GTF3C1: variants seen among roughly 807,000 people sequenced by gnomAD.
The protein encoded by GTF3C1 is general transcription factor 3C polypeptide 1.
In GTF3C1, 57 loss-of-function variants were observed where a neutral mutation model predicts 226.7. That is an observed-to-expected ratio of 0.25 (90% CI 0.20 to 0.31). GTF3C1 has a LOEUF of 0.31. GTF3C1 is among the 10% of genes least tolerant of loss of function. GTF3C1 has a pLI of 1.00. For synonymous variants in GTF3C1, 1,090 were observed against 1,084.8 expected, an observed-to-expected ratio of 1.00 and a Z score of -0.09; for missense variants, 2,217 against 2,776.1, an observed-to-expected ratio of 0.80 and a Z score of 4.53.
At chr16:27,525,163 GAAAGA>G (rs199615595) in intron 6 of GTF3C1, among the ~76,000 whole-genome samples, 53 of 141,176 alleles carry the variant, frequency 3.8e-4, no homozygotes, top group Middle Eastern at 3.2e-3. Flanking sequence ...AAAAAGAAAA[GAAAGA>G]AAAGAAAAGA....
At position 27,493,931 on chromosome 16, in the gene GTF3C1, C is replaced by T. The variant is rs7189110; in HGVS notation, c.2779-635G>A. ...AAGAGTGAATATAGTTTCAATTCAGCTTTTTTTTTTAAAGGGAGATCACAC... is the reference window on the plus strand; with the variant it reads ...AAGAGTGAATATAGTTTCAATTCAGTTTTTTTTTTTAAAGGGAGATCACAC... On this transcript the variant is annotated intron_variant, in intron 16 of 36. Transcript: ENST00000356183. 7.2e-3 allele frequency among the ~76,000 whole-genome samples: 1,068 copies of T among 148,278 alleles called. 16 individuals carry two copies. Among genetic ancestry groups the T allele is most frequent in the African/African-American group, 0.025 (1,014 of 40,416 alleles).
chr16:27,474,771 C>T (rs945547814), intron 29 of GTF3C1, among the ~76,000 whole-genome samples: 3 of 152,124 alleles, frequency 2.0e-5, no homozygotes, highest in African/African-American at 7.2e-5. Flanking sequence ...ACTAGCCTTC[C>T]ACTCCAAATG....
intron 12 of GTF3C1, among the ~76,000 whole-genome samples, chr16:27,500,219 C>T (rs1423667930): frequency 6.6e-6 from 1 of 152,094 alleles, no homozygotes; most frequent in Non-Finnish European, 1.5e-5. Context: ...TTTTTCTTGG[C>T]CTTCTCTGAG....
chr16:27,476,504 G>C lies in GTF3C1; in HGVS notation c.4300C>G (p.Gln1434Glu). 6.2e-7 allele frequency: 1 copy of C among 1,613,418 alleles called. No individual in the cohort carries two copies. Among genetic ancestry groups the C allele is most frequent in the Non-Finnish European group, 8.5e-7 (1 of 1,179,412 alleles). Residue 1434 changes from glutamine (Q) to glutamate (E), a missense_variant, in exon 29 of 37, where the codon CAG becomes GAG. Gln to Glu is a conservative substitution (Grantham distance 29, BLOSUM62 2). Transcript: ENST00000356183. The stretch of plus-strand genomic sequence containing the variant: ...CTGTCTGAGAGGGCCAGCGTGCTCT[G>C]GATCAGGTTCTGAAGCACCAGAAAG... The part of the protein sequence containing the change: ...IHFLVLQNLI[Q>E]STLALSDSQM...
At chr16:27,537,467 C>T (rs1368137111) in intron 4 of GTF3C1, among the ~76,000 whole-genome samples, 1 of 152,158 alleles carries the variant, frequency 6.6e-6, no homozygotes, top group Non-Finnish European at 1.5e-5. Context: ...TGGAGTATAG[C>T]AGTGCAGTCA....
chr16:27,509,500 G>A (rs2088539880), intron 7 of GTF3C1, among the ~76,000 whole-genome samples: 1 of 152,156 alleles, frequency 6.6e-6, no homozygotes, highest in South Asian at 2.1e-4. Context: ...CCTCACTCCT[G>A]TAATCCCAGC....
rs958131539 is a variant in GTF3C1, at chr16:27,471,056, A to G, written c.4527-661T>C. Among the ~76,000 whole-genome samples, 1 of 152,222 alleles carries G rather than the reference A, an allele frequency of 6.6e-6. No individual in the cohort carries two copies. Among genetic ancestry groups the G allele is most frequent in the Non-Finnish European group, 1.5e-5 (1 of 68,028 alleles). On this transcript the variant is annotated intron_variant, in intron 30 of 36. Coordinates refer to ENST00000356183, the MANE Select transcript of GTF3C1 (RefSeq NM_001520.4). The surrounding 1 kb of genome is among the most constrained non-coding windows in gnomAD (Gnocchi z 5.0). ...CGGGGTCAGGGTCTGGGGAGGAGGA[A>G]GTGTCTGCCGTCGTGGGGAAGGGAT...
At chr16:27,517,736 G>A (rs1013114044) in intron 6 of GTF3C1, among the ~76,000 whole-genome samples, 1 of 152,220 alleles carries the variant, frequency 6.6e-6, no homozygotes, top group Non-Finnish European at 1.5e-5. Context: ...CACCTAGTAT[G>A]AGCCAGCCAT....
chr16:27,549,851 C>T lies in GTF3C1; in HGVS notation c.40G>A (p.Glu14Lys). The part of the protein sequence containing the change: ...LESLLDEVAL[E>K]GLDGLCLPAL... ...GGCAGACACAGGCCATCGAGCCCCT[C>T]CAGAGCGACTTCGTCCAACAACGAC... Residue 14 changes from glutamate to lysine, a missense_variant, in exon 1 of 37, where the codon GAG becomes AAG. By Grantham distance (56) the Glu-to-Lys change is moderately conservative. Transcript: ENST00000356183. 1 of 1,613,098 alleles carries T rather than the reference C, an allele frequency of 6.2e-7. No individual in the cohort carries two copies.
At chr16:27,477,698 A>G (rs143737949) in intron 28 of GTF3C1, among the ~76,000 whole-genome samples, 1 of 151,994 alleles carries the variant, frequency 6.6e-6, no homozygotes. Context: ...AAATTAATCA[A>G]CTCTTTGTTA....
chr16:27,488,765 T>A, intron 21 of GTF3C1, 130 bp from the exon 22 acceptor site: 1 of 761,840 alleles, frequency 1.3e-6, no homozygotes, highest in Non-Finnish European at 2.2e-6. Context: ...GGGGCTGGAG[T>A]CTCCTGCCAC....
intron 16 of GTF3C1, among the ~76,000 whole-genome samples, chr16:27,494,052 G>A (rs1304808154): frequency 6.6e-6 from 1 of 151,994 alleles, no homozygotes; most frequent in Non-Finnish European, 1.5e-5. Flanking sequence ...CTCTATGAGT[G>A]ATACAGTTAT....
Position 27,549,670 on chromosome 16 carries a change from C to A in GTF3C1, c.221G>T (p.Arg74Leu). The A allele has an allele frequency of 1.3e-6, 2 of 1,536,632 alleles. No individual in the cohort carries two copies. Among genetic ancestry groups the A allele is most frequent in the Non-Finnish European group, 1.8e-6 (2 of 1,135,166 alleles). ...CCGCCAGGCCAGGCCGCCCGCTGAC[C>A]GGTCCTGGAGCTGTAGGTCGGGTCG... ...RERPDLQLQD[R>L]YEEIDLETGI... Residue 74 changes from arginine to leucine, a missense_variant and splice_region_variant, in exon 1 of 37, where the codon CGG becomes CTG. Physicochemically the swap from Arg to Leu is moderately radical, Grantham distance 102. Coordinates refer to ENST00000356183, the MANE Select transcript of GTF3C1 (RefSeq NM_001520.4).
At chr16:27,518,726 C>A (rs900817031) in intron 6 of GTF3C1, among the ~76,000 whole-genome samples, 1 of 152,110 alleles carries the variant, frequency 6.6e-6, no homozygotes, top group South Asian at 2.1e-4. Context: ...TGAGAGAGGC[C>A]GTCGGGCAGC....
intron 4 of GTF3C1, among the ~76,000 whole-genome samples, chr16:27,536,536 TG>T (rs1255075077): frequency 1.3e-5 from 2 of 152,174 alleles, no homozygotes; most frequent in African/African-American, 4.8e-5. Flanking sequence ...GGCGGACATT[TG>T]ACAGAGGTGC....
At chr16:27,549,435 G>C (rs897202299) in intron 1 of GTF3C1, among the ~76,000 whole-genome samples, 3 of 152,112 alleles carry the variant, frequency 2.0e-5, no homozygotes, top group Non-Finnish European at 4.4e-5. Context: ...AACACACACA[G>C]GGACAAAACG....
chr16:27,526,542 C>T (rs543417555), intron 6 of GTF3C1, among the ~76,000 whole-genome samples: 3 of 152,230 alleles, frequency 2.0e-5, no homozygotes, highest in Non-Finnish European at 2.9e-5. Flanking sequence ...TCCATACTTA[C>T]GCTTTCAAAG....
At position 27,464,335 on chromosome 16, in the gene GTF3C1, A is replaced by C; in HGVS notation, c.5857T>G (p.Ser1953Ala). The change falls in exon 34 of 37, where the codon TCT becomes GCT. Residue 1953 changes from serine (S) to alanine (A), a missense_variant. This residue lies in a region of GTF3C1 where 455 missense variants were observed against 441.9 expected (regional missense o/e 1.03). Transcript: ENST00000356183. ...CGCGCGGTACCTCTGGGGTCTTCAG[A>C]GCCCTCTGGAGGCTGCGCCTGGCCG... Reference protein sequence around the residue: ...LSGQAQPPEGSEDPRGFTESF... With the variant: ...LSGQAQPPEGAEDPRGFTESF... 6.6e-7 allele frequency: 1 copy of C among 1,508,592 alleles called. No homozygotes were observed. The highest frequency in any genetic ancestry group is 8.8e-7 in the Non-Finnish European group (1 of 1,131,806). 93.5% of individuals were successfully genotyped at this position (1,508,592 alleles called of 1,614,324 possible).
chr16:27,532,583 T>C (rs2088933889), intron 5 of GTF3C1, among the ~76,000 whole-genome samples: 1 of 152,068 alleles, frequency 6.6e-6, no homozygotes, highest in Non-Finnish European at 1.5e-5. Flanking sequence ...CAGCCTCTGC[T>C]CTGGGGCCCA....
Sources: gnomAD v4.1 joint callset for allele counts (sites outside exome capture counted in the v4.1 genomes callset) on GRCh38, gnomAD v4.1.1 for gene constraint, gnomAD v4.1.1 regional missense constraint, Gnocchi (gnomAD v3.1) non-coding constraint, MANE v1.5 for transcripts, NCBI Gene and HGNC (gene_info 2026-07-23, HGNC 2026-07-21) for gene names.